Variants in TPO observed in about 807,000 individuals in gnomAD.
The protein encoded by TPO is thyroid peroxidase, also known as thyroid microsomal antigen.
A neutral mutation model predicts 96.9 loss-of-function variants in TPO; 78 were observed. The observed-to-expected ratio is 0.81, with a 90% CI of 0.67 to 0.97. The LOEUF (loss-of-function observed/expected upper bound fraction) is 0.97. Among genes scored for constraint, TPO ranks in the 50% least tolerant of loss-of-function variants. The probability of loss-of-function intolerance (pLI) is 0.00; values close to 1 mark genes in which losing one functional copy is unlikely to be tolerated. For synonymous variants in TPO, 547 were observed against 538.0 expected (o/e 1.02, Z -0.23); for missense variants, 1,252 against 1,274.8 (o/e 0.98, Z 0.27).
chr2:1,501,377 C>T (rs1672856279), intron 13 of TPO, among the ~76,000 whole-genome samples: 1 of 152,142 alleles, frequency 6.6e-6, no homozygotes, highest in South Asian at 2.1e-4. Flanking sequence ...CTGGTTTCCT[C>T]CTCTGTCGGG....
intron 1 of TPO, among the ~76,000 whole-genome samples, chr2:1,376,317 A>C (rs192282395): frequency 6.0e-4 from 92 of 152,250 alleles, no homozygotes; most frequent in African/African-American, 2.2e-3. Flanking sequence ...AACTGGATTG[A>C]CCAGACATTT....
chr2:1,516,893 G>T lies in TPO; in HGVS notation c.2529G>T (p.Arg843Ser). The T allele has an allele frequency of 6.2e-7, 1 of 1,613,930 alleles. No homozygotes were observed. The highest frequency in any genetic ancestry group is 8.5e-7 in the Non-Finnish European group (1 of 1,180,030). The part of the protein sequence containing the change: ...DDGRTCVDSG[R>S]LPRVTWISMS... ...CTTTCTGTGCCCCAGACTCCGGGAG[G>T]CTCCCTCGGGTGACTTGGATCTCCA... The change falls in exon 15 of 17, where the codon AGG becomes AGT. Residue 843 changes from arginine (R) to serine (S), a missense_variant. By Grantham distance (110) the Arg-to-Ser change is moderately radical. Coordinates refer to ENST00000329066, the MANE Select transcript of TPO (RefSeq NM_001206744.2).
Position 1,487,958 on chromosome 2 carries a change from A to G in TPO, c.1735A>G (p.Asn579Asp). 1 of 1,613,906 alleles carries G rather than the reference A, an allele frequency of 6.2e-7. No homozygotes were observed. The highest frequency in any genetic ancestry group is 8.5e-7 in the Non-Finnish European group (1 of 1,180,022). Residue 579 changes from asparagine (N) to aspartate (D), a missense_variant, in exon 10 of 17, where the codon AAC becomes GAC. Coordinates refer to ENST00000329066, the MANE Select transcript of TPO (RefSeq NM_001206744.2). ...CAGCACCTTGGATCTGGCGTCCATC[A>G]ACCTGCAGAGGGGCCGGGACCACGG... ...NSSTLDLASI[N>D]LQRGRDHGLP...
intron 7 of TPO, among the ~76,000 whole-genome samples, chr2:1,458,951 C>T (rs1291770007): frequency 1.3e-5 from 2 of 151,898 alleles, no homozygotes; most frequent in Non-Finnish European, 2.9e-5. Context: ...ATCTTTGTGC[C>T]CATGTGCACA....
In TPO at chr2:1,414,522, C is replaced by T. The variant is rs140731750; in HGVS notation, c.94+20C>T. On this transcript the variant is annotated intron_variant, in intron 2 of 16. Transcript: ENST00000329066. The stretch of plus-strand genomic sequence containing the variant: ...TTTGGGGTAAGTAGCAAACACATTG[C>T]GGTCTTCTGGCCTTATAAAGTTATT... 710 of 1,608,332 alleles carry T rather than the reference C, an allele frequency of 4.4e-4. 3 individuals carry two copies. In the African/African-American group the frequency reaches 6.1e-3, roughly 14 times the overall value.
At chr2:1,437,050 T>A (rs1665648395) in intron 5 of TPO, among the ~76,000 whole-genome samples, 2 of 152,184 alleles carry the variant, frequency 1.3e-5, no homozygotes, top group African/African-American at 4.8e-5. Flanking sequence ...CACAGAGGCA[T>A]GTGATTCAGT....
chr2:1,525,145 A>G (rs572096756), intron 15 of TPO, among the ~76,000 whole-genome samples: 1 of 92,738 alleles, frequency 1.1e-5, no homozygotes, highest in Non-Finnish European at 2.0e-5. Context: ...AATCACCCTC[A>G]CTGTGTGCAA....
chr2:1,431,970 C>G (rs1665018421), intron 3 of TPO, among the ~76,000 whole-genome samples: 1 of 152,180 alleles, frequency 6.6e-6, no homozygotes, highest in Non-Finnish European at 1.5e-5. Flanking sequence ...CAACACCTCC[C>G]CAACTCTACT....
At chr2:1,467,109 T>A (rs1488392633) in intron 7 of TPO, among the ~76,000 whole-genome samples, 1 of 143,316 alleles carries the variant, frequency 7.0e-6, no homozygotes, top group Non-Finnish European at 1.6e-5. Context: ...TTCAAAGAAT[T>A]TTTTTTTTTT....
intron 15 of TPO, among the ~76,000 whole-genome samples, chr2:1,523,012 T>TTA (rs1553333448): frequency 1.1e-5 from 1 of 91,720 alleles, no homozygotes; most frequent in Non-Finnish European, 2.0e-5. Flanking sequence ...ACTCCCCAGA[T>TTA]CCCCCCAACT....
rs191948390 is a variant in TPO, at chr2:1,443,419, G to C, written c.482+7035G>C. Among the ~76,000 whole-genome samples, 453 of 148,586 alleles carry C rather than the reference G, an allele frequency of 3.0e-3. 6 individuals are homozygous for C. Among genetic ancestry groups the C allele is most frequent in the African/African-American group, 0.011 (438 of 39,974 alleles). ...CAGTCATTGTTGCAGGAGGCACCGT[G>C]TTGGAAGGGAATGGGCAGGCTCCTT... On this transcript the variant is annotated intron_variant, in intron 5 of 16. Coordinates refer to ENST00000329066, the MANE Select transcript of TPO (RefSeq NM_001206744.2).
At chr2:1,448,222 C>T (rs985489959) in intron 5 of TPO, among the ~76,000 whole-genome samples, 17 of 152,242 alleles carry the variant, frequency 1.1e-4, no homozygotes, top group African/African-American at 4.1e-4. Flanking sequence ...CAAGGACACT[C>T]ATAGACTTCC....
At chr2:1,536,229 C>T (rs1214384813) in intron 15 of TPO, among the ~76,000 whole-genome samples, 1 of 23,566 alleles carries the variant, frequency 4.2e-5, no homozygotes, top group Non-Finnish European at 8.0e-5. Context: ...CCACTGTGTG[C>T]AACCTCCCCA....
chr2:1,504,562 GC>G (rs1487219607), intron 14 of TPO, among the ~76,000 whole-genome samples: 1 of 152,194 alleles, frequency 6.6e-6, no homozygotes, highest in Non-Finnish European at 1.5e-5. Flanking sequence ...CTCAACATCT[GC>G]CTCGGATGGC....
intron 5 of TPO, among the ~76,000 whole-genome samples, chr2:1,452,287 A>G (rs544543712): frequency 1.3e-5 from 2 of 152,326 alleles, no homozygotes; most frequent in South Asian, 4.1e-4. Flanking sequence ...GAATTAGTTT[A>G]TTGATGAGAT....
chr2:1,497,120 G>A lies in TPO; in HGVS notation c.2386+355G>A, dbSNP rs28912968. On this transcript the variant is annotated intron_variant, in intron 13 of 16. Coordinates refer to ENST00000329066, the MANE Select transcript of TPO (RefSeq NM_001206744.2). The stretch of plus-strand genomic sequence containing the variant: ...AACGTCTCCACTCCAGGAACCCATA[G>A]AGTAAGGCTCGCCTCCACCTCCACC... Among the ~76,000 whole-genome samples, 857 of 152,320 alleles carry A rather than the reference G, an allele frequency of 5.6e-3. 7 individuals carry two copies. Among genetic ancestry groups the A allele is most frequent in the African/African-American group, 0.019 (800 of 41,596 alleles).
intron 13 of TPO, among the ~76,000 whole-genome samples, chr2:1,499,369 C>G (rs895598388): frequency 6.6e-6 from 1 of 152,158 alleles, no homozygotes; most frequent in Admixed American, 6.5e-5. Flanking sequence ...GAAATTTTTT[C>G]ATTTATCTTC....
intron 1 of TPO, among the ~76,000 whole-genome samples, chr2:1,389,254 C>A (rs777950616): frequency 6.6e-6 from 1 of 152,070 alleles, no homozygotes; most frequent in Non-Finnish European, 1.5e-5. Flanking sequence ...GTCTGAGGAG[C>A]CCATTGCCAG....
At chr2:1,469,700 G>C (rs962438660) in intron 7 of TPO, among the ~76,000 whole-genome samples, 1 of 152,154 alleles carries the variant, frequency 6.6e-6, no homozygotes, top group African/African-American at 2.4e-5. Context: ...TCAGCTCCGG[G>C]TAAAGTCAGA....
Sources: gnomAD v4.1 joint callset for allele counts (sites outside exome capture counted in the v4.1 genomes callset) on GRCh38, gnomAD v4.1.1 for gene constraint, MANE v1.5 for transcripts, NCBI Gene and HGNC (gene_info 2026-07-23, HGNC 2026-07-21) for gene names.